The following PIK3CB variants were observed in gnomAD, a reference collection of about 807,000 sequenced individuals.
PIK3CB encodes phosphatidylinositol-4,5-bisphosphate 3-kinase catalytic subunit beta, also known as phosphatidylinositol 4,5-bisphosphate 3-kinase catalytic subunit beta isoform.
A neutral mutation model predicts 136.8 loss-of-function variants in PIK3CB; 39 were observed. The ratio of observed to expected loss-of-function variants is 0.29; its 90% CI spans 0.22 to 0.37. The LOEUF (loss-of-function observed/expected upper bound fraction) is 0.37. Ranked by LOEUF, PIK3CB falls within the 10% of genes least tolerant of loss-of-function variation. The pLI is 1.00. For missense variants in PIK3CB, 868 were observed against 1,275.4 expected (o/e 0.68, Z 4.87); for synonymous variants, 428 against 436.6 (o/e 0.98, Z 0.25).
At chr3:138,795,358 G>A (rs1023353018) in intron 2 of PIK3CB, among the ~76,000 whole-genome samples, 5 of 143,648 alleles carry the variant, frequency 3.5e-5, no homozygotes, top group African/African-American at 1.0e-4. Context: ...CCAGCATGGT[G>A]ACCCATGCCT....
chr3:138,711,522 T>C (rs1370996920), intron 10 of PIK3CB, among the ~76,000 whole-genome samples: 1 of 130,306 alleles, frequency 7.7e-6, no homozygotes, highest in African/African-American at 3.0e-5. Context: ...GAGGTTGCAG[T>C]GAGCCAAGAT....
At chr3:138,695,125 C>A (rs1312762106) in intron 13 of PIK3CB, among the ~76,000 whole-genome samples, 1 of 152,128 alleles carries the variant, frequency 6.6e-6, no homozygotes, top group Non-Finnish European at 1.5e-5. Flanking sequence ...GAAGTACTTA[C>A]CCCCAAATAA....
At chr3:138,788,436 C>G (rs1311657787) in intron 2 of PIK3CB, among the ~76,000 whole-genome samples, 1 of 151,682 alleles carries the variant, frequency 6.6e-6, no homozygotes, top group African/African-American at 2.4e-5. Flanking sequence ...GCGGGCAGAT[C>G]ACCTGAGGTC....
intron 17 of PIK3CB, among the ~76,000 whole-genome samples, chr3:138,684,046 C>G (rs1033584105): frequency 6.6e-6 from 1 of 152,182 alleles, no homozygotes; most frequent in Non-Finnish European, 1.5e-5. Flanking sequence ...TTCCTTCTCT[C>G]GTTTCCTTTT....
chr3:138,776,671 G>C (rs1408682784), intron 2 of PIK3CB, among the ~76,000 whole-genome samples: 1 of 152,000 alleles, frequency 6.6e-6, no homozygotes, highest in East Asian at 1.9e-4. Context: ...ATTCCAGCCT[G>C]GGCGACAGAG....
intron 1 of PIK3CB, among the ~76,000 whole-genome samples, chr3:138,822,156 T>A (rs1933587211): frequency 6.6e-6 from 1 of 151,184 alleles, no homozygotes; most frequent in African/African-American, 2.4e-5. Context: ...AAAAAAGAAT[T>A]CCAGTTGGCT....
At chr3:138,729,386 T>TA (rs1255438238) in intron 8 of PIK3CB, among the ~76,000 whole-genome samples, 2 of 152,218 alleles carry the variant, frequency 1.3e-5, no homozygotes, top group Non-Finnish European at 2.9e-5. Context: ...TGGGTGTTAC[T>TA]AATGAGATAT....
In PIK3CB at chr3:138,831,781, G is replaced by A. The variant is rs112113389; in HGVS notation, c.-122+2914C>T. Among the ~76,000 whole-genome samples the A allele has an allele frequency of 7.1e-3, 1,079 of 152,114 alleles. 13 individuals are homozygous for A. Among genetic ancestry groups the A allele is most frequent in the African/African-American group, 0.025 (1,030 of 41,520 alleles). Reference sequence around the variant, plus strand: ...GTTTACTAAAAATACAAAAATTAGCGGGGCATGGTGGTGTGCACCTGTAGT... The same window carrying A: ...GTTTACTAAAAATACAAAAATTAGCAGGGCATGGTGGTGTGCACCTGTAGT... On this transcript the variant is annotated intron_variant, in intron 1 of 23. Transcript: ENST00000674063.
chr3:138,788,656 CAA>C (rs71146142), intron 2 of PIK3CB, among the ~76,000 whole-genome samples: 13 of 37,724 alleles, frequency 3.4e-4, no homozygotes, highest in African/African-American at 1.1e-3. Flanking sequence ...GACTTTGTCT[CAA>C]AAAAAAAAAA....
chr3:138,755,129 A>T (rs2045541684), intron 4 of PIK3CB, among the ~76,000 whole-genome samples: 1 of 152,236 alleles, frequency 6.6e-6, no homozygotes, highest in Non-Finnish European at 1.5e-5. Flanking sequence ...AATTTCAGTT[A>T]AGAAGTAAAA....
At chr3:138,807,584 C>G (rs1005760505) in intron 1 of PIK3CB, among the ~76,000 whole-genome samples, 1 of 151,784 alleles carries the variant, frequency 6.6e-6, no homozygotes, top group Non-Finnish European at 1.5e-5. Context: ...TGTTGTGCAG[C>G]TATAAAAAGA....
chr3:138,696,701 G>C (rs933461339), intron 13 of PIK3CB, among the ~76,000 whole-genome samples: 8 of 152,090 alleles, frequency 5.3e-5, no homozygotes, highest in African/African-American at 1.9e-4. Flanking sequence ...GAGAAATACT[G>C]ATATAAAGAC....
At chr3:138,817,351 CA>C (rs1933382441) in intron 1 of PIK3CB, among the ~76,000 whole-genome samples, 2 of 149,856 alleles carry the variant, frequency 1.3e-5, no homozygotes, top group African/African-American at 4.9e-5. Flanking sequence ...AACACAAAAA[CA>C]AAAACAAAAA....
In PIK3CB at chr3:138,733,417, GGTT is replaced by G. The variant is rs749796622; in HGVS notation, c.991_993del (p.Asn331del). ...CCCTTAACCAAGACAATTTGGAAAG[GGTT>G]GTTATTTTCCCAAACATGCTGTAAA... On this transcript the variant is annotated inframe_deletion, in exon 8 of 24. Coordinates refer to ENST00000674063, the MANE Select transcript of PIK3CB (RefSeq NM_006219.3). 2.4e-5 allele frequency: 38 copies of G among 1,551,432 alleles called. 1 individual carries two copies. Among genetic ancestry groups the G allele is most frequent in the Non-Finnish European group, 3.2e-5 (36 of 1,126,838 alleles).
chr3:138,719,089 A>G (rs1437442278), intron 8 of PIK3CB, among the ~76,000 whole-genome samples: 6 of 152,148 alleles, frequency 3.9e-5, no homozygotes, highest in African/African-American at 7.2e-5. Context: ...AAGCCTGGGC[A>G]CTTTCATTTT....
chr3:138,754,388 G>C (rs1423873283), intron 4 of PIK3CB, among the ~76,000 whole-genome samples: 3 of 152,054 alleles, frequency 2.0e-5, no homozygotes, highest in Admixed American at 1.3e-4. Context: ...GCTGAAGTGA[G>C]CCATGATCGT....
chr3:138,810,038 A>C (rs1345100204), intron 1 of PIK3CB, among the ~76,000 whole-genome samples: 1 of 152,220 alleles, frequency 6.6e-6, no homozygotes. Context: ...ACGAACACAC[A>C]CACACAATGA....
intron 1 of PIK3CB, among the ~76,000 whole-genome samples, chr3:138,827,362 G>A (rs372402336): frequency 1.1e-4 from 16 of 152,062 alleles, no homozygotes; most frequent in Middle Eastern, 3.4e-3. Flanking sequence ...AGTTAAGAAC[G>A]CCTAATAGAA....
chr3:138,712,162 A>G (rs745725198), intron 10 of PIK3CB, 46 bp downstream of exon 10: 1 of 922,528 alleles, frequency 1.1e-6, no homozygotes, highest in Non-Finnish European at 1.7e-6. Flanking sequence ...CCACATGCCA[A>G]AAGTTAGTTA....
Sources: gnomAD v4.1 joint callset for allele counts (sites outside exome capture counted in the v4.1 genomes callset) on GRCh38, gnomAD v4.1.1 for gene constraint, MANE v1.5 for transcripts, NCBI Gene and HGNC (gene_info 2026-07-23, HGNC 2026-07-21) for gene names.